ACTR3C: variants seen among roughly 807,000 people sequenced by gnomAD.
ACTR3C encodes actin-related protein 3C.
ACTR3C carries 18 observed loss-of-function variants against 26.3 expected under a neutral mutation model. The observed-to-expected ratio is 0.68, with a 90% CI of 0.47 to 1.01. ACTR3C has a LOEUF of 1.01. Among genes scored for constraint, ACTR3C ranks in the 50% least tolerant of loss-of-function variants. The probability of loss-of-function intolerance (pLI) is 0.00; values close to 1 mark genes in which losing one functional copy is unlikely to be tolerated. For synonymous variants in ACTR3C, 55 were observed against 94.5 expected (o/e 0.58, Z 2.42); for missense variants, 184 against 250.7 (o/e 0.73, Z 1.80).
chr7:150,249,038 A>C lies in ACTR3C; in HGVS notation c.581T>G (p.Leu194Arg), dbSNP rs773192564. ...RPLYKMEQIP[L>R]SYPQGHGFHP... The stretch of plus-strand genomic sequence containing the variant: ...GAATCCGTGACCTTGAGGATAGCTC[A>C]GTGGAATTTGTTCCATCTGAAAAAC... The change falls in exon 7 of 8, where the codon CTG becomes CGG. Residue 194 changes from leucine to arginine, a missense_variant. Leu to Arg is a moderately radical substitution (Grantham distance 102). Transcript: ENST00000683684. The C allele has an allele frequency of 3.7e-4, 252 of 680,926 alleles. 1 individual carries two copies. The highest frequency in any genetic ancestry group is 6.2e-4 in the Non-Finnish European group (232 of 375,546). 42.2% of individuals were successfully genotyped at this position (680,926 alleles called of 1,614,324 possible).
At chr7:149,936,641 C>T in the ACTR3C span, among the ~76,000 whole-genome samples, 1 of 152,188 alleles carries the variant, frequency 6.6e-6, no homozygotes, top group African/African-American at 2.4e-5. Context: ...TCCATTTATA[C>T]ATGATACTTG....
chr7:150,183,696 CAAAAA>C, the ACTR3C span, among the ~76,000 whole-genome samples: 3 of 48,024 alleles, frequency 6.2e-5, no homozygotes. Flanking sequence ...GTGGCTATGG[CAAAAA>C]AAAAAAAAAA....
the ACTR3C span, among the ~76,000 whole-genome samples, chr7:149,903,910 G>GCTGTTTA: frequency 1.8e-5 from 1 of 56,134 alleles, no homozygotes; most frequent in African/African-American, 5.8e-5. Context: ...GCTGGTTGTT[G>GCTGTTTA]TTGTTGTTGT....
At chr7:150,154,314 T>G in the ACTR3C span, among the ~76,000 whole-genome samples, 56 of 152,274 alleles carry the variant, frequency 3.7e-4, no homozygotes, top group African/African-American at 1.3e-3. Flanking sequence ...CCATTAAAAT[T>G]TAGTGATGCA....
chr7:150,271,016 C>T (rs1186501044), intron 6 of ACTR3C, among the ~76,000 whole-genome samples: 14 of 151,254 alleles, frequency 9.3e-5, no homozygotes, highest in Admixed American at 9.2e-4. Context: ...ACCATCAACA[C>T]AGCATGTCTC....
chr7:150,265,257 C>T (rs544778201), intron 6 of ACTR3C, among the ~76,000 whole-genome samples: 78 of 151,792 alleles, frequency 5.1e-4, no homozygotes, highest in African/African-American at 1.5e-3. Flanking sequence ...TTCAAATAAA[C>T]GTAAGCCTAA....
At chr7:150,305,329 C>G (rs994401086) in intron 1 of ACTR3C, among the ~76,000 whole-genome samples, 9 of 152,190 alleles carry the variant, frequency 5.9e-5, no homozygotes, top group African/African-American at 2.2e-4. Flanking sequence ...TCCTACCATT[C>G]TCACCCTACG....
the ACTR3C span, among the ~76,000 whole-genome samples, chr7:150,101,245 G>A: frequency 1.3e-5 from 2 of 151,646 alleles, no homozygotes; most frequent in Admixed American, 6.6e-5. Flanking sequence ...ACAAAGCCTT[G>A]CAGATGTGAT....
intron 1 of ACTR3C, among the ~76,000 whole-genome samples, chr7:150,307,697 C>T (rs552406983): frequency 2.6e-5 from 4 of 152,202 alleles, no homozygotes. Context: ...CACAGAGGCG[C>T]TTGACATTTG....
chr7:149,891,425 T>A, the ACTR3C span: 212 of 1,125,074 alleles, frequency 1.9e-4, no homozygotes, highest in Non-Finnish European at 2.4e-4. Context: ...GCAGTTGTTG[T>A]TAATTCTTGT....
At chr7:149,956,733 G>T in the ACTR3C span, among the ~76,000 whole-genome samples, 2 of 151,666 alleles carry the variant, frequency 1.3e-5, no homozygotes, top group African/African-American at 4.9e-5. Flanking sequence ...TGGATTTGGA[G>T]TGAGCTCCTT....
the ACTR3C span, among the ~76,000 whole-genome samples, chr7:149,907,478 T>TTCTCTTCTCTCTCCTCTC: frequency 2.0e-5 from 2 of 97,606 alleles, no homozygotes; most frequent in Non-Finnish European, 4.2e-5. Context: ...CTCTCTTCTC[T>TTCTCTTCTCTCTCCTCTC]TCTCTCTCTC....
chr7:150,137,287 T>C, the ACTR3C span, among the ~76,000 whole-genome samples: 584 of 152,312 alleles, frequency 3.8e-3, 3 homozygotes, highest in African/African-American at 0.013. Flanking sequence ...CAAGACAACC[T>C]GGGCACCTTC....
At chr7:149,989,293 GGT>G in the ACTR3C span, among the ~76,000 whole-genome samples, 4 of 151,972 alleles carry the variant, frequency 2.6e-5, no homozygotes, top group African/African-American at 9.7e-5. Context: ...TATGTTTGTG[GGT>G]GTGTGGTACA....
the ACTR3C span, among the ~76,000 whole-genome samples, chr7:150,163,280 A>C: frequency 6.6e-6 from 1 of 152,132 alleles, no homozygotes; most frequent in Non-Finnish European, 1.5e-5. Flanking sequence ...AGGAGTACAG[A>C]TATCTGGATA....
At chr7:149,967,028 A>ATTTCT in the ACTR3C span, among the ~76,000 whole-genome samples, 1 of 64,706 alleles carries the variant, frequency 1.5e-5, no homozygotes, top group Admixed American at 2.7e-4. Context: ...TGCACAGCTA[A>ATTTCT]TTTTTTTTTT....
At chr7:150,167,838 G>A in the ACTR3C span, among the ~76,000 whole-genome samples, 218 of 150,576 alleles carry the variant, frequency 1.4e-3, 20 homozygotes, top group African/African-American at 5.1e-3. Flanking sequence ...AAAAATGGGC[G>A]ATTAGGAGCC....
At chr7:150,069,768 C>T in the ACTR3C span, among the ~76,000 whole-genome samples, 2 of 152,170 alleles carry the variant, frequency 1.3e-5, no homozygotes, top group African/African-American at 4.8e-5. Context: ...ATTAATAGCT[C>T]AGAGACATGC....
intron 6 of ACTR3C, among the ~76,000 whole-genome samples, chr7:150,259,243 CAG>C (rs1382854974): frequency 3.9e-5 from 3 of 76,122 alleles, no homozygotes; most frequent in Non-Finnish European, 8.6e-5. Context: ...AAAGAAAAGA[CAG>C]AAAGAAAAGA....
Sources: allele counts gnomAD v4.1 joint callset (sites outside exome capture counted in the v4.1 genomes callset), GRCh38; gene constraint gnomAD v4.1.1; transcripts MANE v1.5; gene names NCBI Gene and HGNC (gene_info 2026-07-23, HGNC 2026-07-21).